RB1CC1: variants seen among roughly 807,000 people sequenced by gnomAD.
RB1CC1 encodes RB1 inducible coiled-coil 1.
RB1CC1 carries 46 observed loss-of-function variants against 177.5 expected under a neutral mutation model. The observed-to-expected ratio is 0.26, with a 90% confidence interval of 0.20 to 0.33. The LOEUF (loss-of-function observed/expected upper bound fraction) is 0.33, where lower values mean the gene tolerates loss of function less well. Among genes scored for constraint, RB1CC1 ranks in the 10% least tolerant of loss-of-function variants. The pLI, the probability that RB1CC1 is intolerant of heterozygous loss-of-function variation, is 1.00. For missense variants in RB1CC1, 1,703 were observed against 1,816.3 expected, an observed-to-expected ratio of 0.94 and a Z score of 1.13; for synonymous variants, 666 against 613.6, an observed-to-expected ratio of 1.09 and a Z score of -1.26.
chr8:52,653,426 G>T (rs945299064), intron 15 of RB1CC1, among the ~76,000 whole-genome samples: 1 of 152,306 alleles, frequency 6.6e-6, no homozygotes, highest in South Asian at 2.1e-4. Flanking sequence ...ATCTGTGGTA[G>T]TGGTTGTCCG....
rs147400627 is a variant in RB1CC1, at chr8:52,703,473, T to C, written c.-167+10602A>G. Among the ~76,000 whole-genome samples the C allele has an allele frequency of 3.4e-3, 517 of 152,316 alleles. 6 individuals are homozygous for C. The highest frequency in any genetic ancestry group is 0.012 in the African/African-American group (498 of 41,584). On this transcript the variant is annotated intron_variant, in intron 1 of 23. Transcript: ENST00000025008. ...ATTTGGGTCCCTACATGAAGCTCCATACCATTTAGGCTGATCTCCTGAAAT... is the reference window on the plus strand; with the variant it reads ...ATTTGGGTCCCTACATGAAGCTCCACACCATTTAGGCTGATCTCCTGAAAT...
intron 15 of RB1CC1, among the ~76,000 whole-genome samples, chr8:52,652,261 T>C (rs1249468838): frequency 6.6e-6 from 1 of 151,958 alleles, no homozygotes; most frequent in Non-Finnish European, 1.5e-5. Context: ...GGTCAGGAGA[T>C]CGAGACCATC....
Position 52,630,401 on chromosome 8 carries a change from A to T in RB1CC1, c.4499+69T>A, listed in dbSNP as rs576151985. 118 of 1,494,548 alleles carry T rather than the reference A, an allele frequency of 7.9e-5. No individual in the cohort carries two copies. In the African/African-American group the frequency reaches 1.4e-3, roughly 18 times the overall value. 92.6% of individuals were successfully genotyped at this position (1,494,548 alleles called of 1,614,324 possible). ...CCTGGACCTGAATTACTGTCACTGA[A>T]ATACATTTTCATTAACAATTCAGTG... On this transcript the variant is annotated intron_variant, in intron 21 of 23. Coordinates refer to ENST00000025008, the MANE Select transcript of RB1CC1 (RefSeq NM_014781.5).
chr8:52,687,876 A>G (rs1203098780), intron 1 of RB1CC1, among the ~76,000 whole-genome samples: 1 of 152,242 alleles, frequency 6.6e-6, no homozygotes, highest in Non-Finnish European at 1.5e-5. Flanking sequence ...GATGATTAAT[A>G]TAACACAACC....
chr8:52,674,783 A>C (rs1358732214), intron 6 of RB1CC1, among the ~76,000 whole-genome samples: 1 of 152,132 alleles, frequency 6.6e-6, no homozygotes, highest in Non-Finnish European at 1.5e-5. Flanking sequence ...AAAAAAAAAA[A>C]AAACACTCTA....
At chr8:52,671,768 T>A (rs1011715907) in intron 7 of RB1CC1, among the ~76,000 whole-genome samples, 1 of 152,184 alleles carries the variant, frequency 6.6e-6, no homozygotes, top group Non-Finnish European at 1.5e-5. Flanking sequence ...TACATAAATG[T>A]GTAAATGTAT....
chr8:52,668,565 C>T (rs1852275821), intron 7 of RB1CC1, among the ~76,000 whole-genome samples: 1 of 152,142 alleles, frequency 6.6e-6, no homozygotes, highest in Admixed American at 6.5e-5. Flanking sequence ...GCAAATTTAT[C>T]TCCCTCCTGG....
intron 20 of RB1CC1, among the ~76,000 whole-genome samples, chr8:52,632,706 CA>C (rs1428612592): frequency 2.6e-5 from 4 of 152,018 alleles, no homozygotes; most frequent in South Asian, 2.1e-4. Context: ...TCTTGGGAAC[CA>C]AAAATCACTA....
chr8:52,659,051 A>T, intron 12 of RB1CC1, 75 bp from the exon 13 acceptor site: 1 of 730,698 alleles, frequency 1.4e-6, no homozygotes. Context: ...ATGATTTCTT[A>T]CTATAATTAA....
At chr8:52,707,926 A>G (rs530012975) in intron 1 of RB1CC1, among the ~76,000 whole-genome samples, 3 of 152,322 alleles carry the variant, frequency 2.0e-5, no homozygotes, top group South Asian at 2.1e-4. Context: ...TAACCTCCAC[A>G]TATCAGTTGA....
intron 1 of RB1CC1, among the ~76,000 whole-genome samples, chr8:52,697,295 TAAAAAA>T (rs35428453): frequency 1.1e-5 from 1 of 87,932 alleles, no homozygotes; most frequent in Non-Finnish European, 2.4e-5. Context: ...AAATGGTTAC[TAAAAAA>T]AAAAAAAAAA....
At chr8:52,634,792 C>A (rs761915230) in intron 20 of RB1CC1, 129 bp downstream of exon 20, 3 of 751,990 alleles carry the variant, frequency 4.0e-6, no homozygotes, top group Non-Finnish European at 6.2e-6. Context: ...ATGACCAACA[C>A]GGACCAACAA....
chr8:52,634,943 T>C lies in RB1CC1; in HGVS notation c.4418A>G (p.Asn1473Ser). ...ERTLQLKEEE[N>S]KRLNQRLMSQ... The stretch of plus-strand genomic sequence containing the variant: ...TACCAGTCTTTGATTTAACCGTTTA[T>C]TTTCTTCTTCTTTCAATTGCAATGT... Residue 1473 changes from asparagine (N) to serine (S), a missense_variant, in exon 20 of 24, where the codon AAT becomes AGT. By Grantham distance (46) the Asn-to-Ser change is conservative. This residue lies in a region of RB1CC1 where 1,169 missense variants were observed against 1,184.7 expected (regional missense o/e 0.99). Coordinates refer to ENST00000025008, the MANE Select transcript of RB1CC1 (RefSeq NM_014781.5). 2.5e-6 allele frequency: 4 copies of C among 1,610,122 alleles called. No individual in the cohort carries two copies. Among genetic ancestry groups the C allele is most frequent in the Non-Finnish European group, 3.4e-6 (4 of 1,177,814 alleles).
chr8:52,661,390 A>G (rs1851610085), intron 9 of RB1CC1, 109 bp from the exon 10 acceptor site: 2 of 1,476,342 alleles, frequency 1.4e-6, no homozygotes, highest in African/African-American at 2.9e-5. Flanking sequence ...AAGATATATA[A>G]GCTCTACAAA....
intron 3 of RB1CC1, among the ~76,000 whole-genome samples, 181 bp from the exon 4 acceptor site, chr8:52,684,194 G>T (rs908012037): frequency 6.6e-6 from 1 of 152,124 alleles, no homozygotes; most frequent in Non-Finnish European, 1.5e-5. Context: ...ACAACTGGCT[G>T]ATCTTAGGTA....
chr8:52,668,329 T>C lies in RB1CC1; in HGVS notation c.1003-138A>G, dbSNP rs1852257525. 5.4e-6 allele frequency: 5 copies of C among 922,322 alleles called. No individual in the cohort carries two copies. In the East Asian group the frequency reaches 8.0e-5, roughly 15 times the overall value. 57.1% of individuals were successfully genotyped at this position (922,322 alleles called of 1,614,324 possible). A position where few individuals can be genotyped will look rare whatever the true frequency, so the allele number is the denominator to read the frequency against. On this transcript the variant is annotated intron_variant, in intron 7 of 23. Coordinates refer to ENST00000025008, the MANE Select transcript of RB1CC1 (RefSeq NM_014781.5). ...AAGCAAAAGCATGGGAACTCTAAGT[T>C]ATACTTTCATAAGAAGGTCAAGTAC...
At chr8:52,665,018 T>C (rs572202994) in intron 8 of RB1CC1, among the ~76,000 whole-genome samples, 2 of 152,248 alleles carry the variant, frequency 1.3e-5, no homozygotes, top group South Asian at 4.1e-4. Flanking sequence ...ATCGAGTGTC[T>C]AAGGTAAGAT....
intron 7 of RB1CC1, among the ~76,000 whole-genome samples, chr8:52,669,840 A>T (rs1343188054): frequency 6.6e-6 from 1 of 152,238 alleles, no homozygotes; most frequent in Non-Finnish European, 1.5e-5. Flanking sequence ...TTAAACCAAA[A>T]ACAAGGGCTC....
intron 15 of RB1CC1, among the ~76,000 whole-genome samples, chr8:52,652,859 A>C (rs539510965): frequency 6.6e-6 from 1 of 151,700 alleles, no homozygotes; most frequent in South Asian, 2.1e-4. Context: ...GGAGTTCGAG[A>C]CCAGCCTGAC....
Sources: gnomAD v4.1 joint callset for allele counts (sites outside exome capture counted in the v4.1 genomes callset) on GRCh38, gnomAD v4.1.1 for gene constraint, gnomAD v4.1.1 regional missense constraint, MANE v1.5 for transcripts, NCBI Gene and HGNC (gene_info 2026-07-23, HGNC 2026-07-21) for gene names.